The following CYB5A variants were observed in gnomAD, a reference collection of about 807,000 sequenced individuals.
The protein encoded by CYB5A is cytochrome b5.
CYB5A carries 10 observed loss-of-function variants against 16.2 expected under a neutral mutation model. The ratio of observed to expected loss-of-function variants is 0.62; its 90% CI spans 0.38 to 1.04. The LOEUF (loss-of-function observed/expected upper bound fraction) is 1.04. Among genes scored for constraint, CYB5A ranks in the 50% least tolerant of loss-of-function variants. The pLI, the probability that CYB5A is intolerant of heterozygous loss-of-function variation, is 0.01. For synonymous variants in CYB5A, 62 were observed against 57.0 expected, an observed-to-expected ratio of 1.09 and a Z score of -0.40; for missense variants, 161 against 165.9, an observed-to-expected ratio of 0.97 and a Z score of 0.16.
At chr18:74,289,943 A>T (rs962983887) in intron 1 of CYB5A, among the ~76,000 whole-genome samples, 5 of 152,152 alleles carry the variant, frequency 3.3e-5, no homozygotes, top group African/African-American at 1.2e-4. Flanking sequence ...TCGCTTTAGG[A>T]GAAGACAAGA....
chr18:74,265,608 C>T lies in CYB5A; in HGVS notation c.130-2131G>A, dbSNP rs182638104. ...GTTTTGTACTGCTATGAAGAAATAC[C>T]TGAGACTGGATCATTTACAAAGAAA... On this transcript the variant is annotated intron_variant, in intron 1 of 4. Transcript: ENST00000340533. Among the ~76,000 whole-genome samples the T allele has an allele frequency of 1.1e-4, 16 of 152,286 alleles. No homozygotes were observed. The East Asian group carries it at 3.1e-3, about 29-fold the overall frequency.
chr18:74,272,588 G>C (rs1982711012), intron 1 of CYB5A, among the ~76,000 whole-genome samples: 1 of 152,158 alleles, frequency 6.6e-6, no homozygotes. Context: ...CTTGCAAGCA[G>C]AGTTTCTCTT....
intron 1 of CYB5A, among the ~76,000 whole-genome samples, chr18:74,269,485 G>A (rs1233603855): frequency 8.1e-6 from 1 of 124,062 alleles, no homozygotes; most frequent in Non-Finnish European, 1.9e-5. Context: ...GAAAGCAGTG[G>A]AAGAGCCCCA....
Position 74,252,129 on chromosome 18 carries a change from G to GGTGCATCCTATTTGATTATAAAGGTT in CYB5A, c.*1429_*1454dup, listed in dbSNP as rs1333807778. 1.3e-5 allele frequency: 2 copies of GGTGCATCCTATTTGATTATAAAGGTT among 152,132 alleles called. No homozygotes were observed. The highest frequency in any genetic ancestry group is 4.8e-5 in the African/African-American group (2 of 41,412). 9.4% of individuals were successfully genotyped at this position (152,132 alleles called of 1,614,324 possible). A position where few individuals can be genotyped will look rare whatever the true frequency, so the allele number is the denominator to read the frequency against. ...TTCAGTGACTAAAGAAGGCAAAGGCGGTGCATCCTATTTGATTATAAAGGT... is the reference window on the plus strand; with the variant it reads ...TTCAGTGACTAAAGAAGGCAAAGGCGGTGCATCCTATTTGATTATAAAGGTTGTGCATCCTATTTGATTATAAAGGT... On this transcript the variant is annotated 3_prime_UTR_variant, in exon 5 of 5. Transcript: ENST00000340533.
chr18:74,268,983 C>T (rs73482437), intron 1 of CYB5A, among the ~76,000 whole-genome samples: 5,033 of 152,240 alleles, frequency 0.033, 184 homozygotes, highest in African/African-American at 0.1. Flanking sequence ...AATACCAATA[C>T]AATAACTGGA....
At chr18:74,257,581 CTTCGAGG>C (rs1382790267) in intron 3 of CYB5A, 1 of 152,270 alleles carries the variant, frequency 6.6e-6, no homozygotes, top group East Asian at 1.9e-4. Flanking sequence ...CACTCCATGA[CTTCGAGG>C]TTCAACTTCA....
At chr18:74,257,907 G>C (rs1416979930) in intron 3 of CYB5A, 1 of 152,172 alleles carries the variant, frequency 6.6e-6, no homozygotes, top group African/African-American at 2.4e-5. Flanking sequence ...AACAGAGTGA[G>C]ACCCCGTCTC....
At chr18:74,286,833 C>A (rs1230085506) in intron 1 of CYB5A, among the ~76,000 whole-genome samples, 1 of 152,200 alleles carries the variant, frequency 6.6e-6, no homozygotes, top group Non-Finnish European at 1.5e-5. Context: ...TGACCAAAGC[C>A]GGCTTGCATG....
chr18:74,291,797 A>T lies in CYB5A; in HGVS notation c.79T>A (p.Trp27Arg), dbSNP rs748780741. The stretch of plus-strand genomic sequence containing the variant: ...TACACCTTGTGGTGCAGGATCAGCC[A>T]GGTGCTCTTGCTGTGGTTGTGCTTC... ...IQKHNHSKST[W>R]LILHHKVYDL... is the part of the protein sequence containing the mutation. The change falls in exon 1 of 5, where the codon TGG (tryptophan) becomes AGG (arginine). Residue 27 changes from tryptophan to arginine, a missense_variant. Transcript: ENST00000340533. The T allele has an allele frequency of 6.2e-7, 1 of 1,613,874 alleles. No homozygotes were observed. Among genetic ancestry groups the T allele is most frequent in the South Asian group, 1.1e-5 (1 of 91,078 alleles).
At chr18:74,263,682 C>A (rs1982309595) in intron 1 of CYB5A, among the ~76,000 whole-genome samples, 1 of 152,116 alleles carries the variant, frequency 6.6e-6, no homozygotes. Context: ...GCCTAGGCAG[C>A]AGAATCACTT....
intron 1 of CYB5A, among the ~76,000 whole-genome samples, chr18:74,278,033 G>T (rs935657368): frequency 6.6e-6 from 1 of 152,208 alleles, no homozygotes; most frequent in Non-Finnish European, 1.5e-5. Context: ...GAATATCAGT[G>T]GGTAACATCT....
intron 2 of CYB5A, among the ~76,000 whole-genome samples, chr18:74,262,681 G>A (rs1159654757): frequency 1.3e-5 from 2 of 152,110 alleles, no homozygotes; most frequent in Non-Finnish European, 2.9e-5. Context: ...CCTAATGAAA[G>A]TAGAAGTGGG....
chr18:74,259,937 G>A (rs1165934006), intron 3 of CYB5A: 1 of 100,046 alleles, frequency 1.0e-5, no homozygotes, highest in Non-Finnish European at 2.4e-5. Context: ...CTTGAATAAG[G>A]AGAGAATATA....
intron 2 of CYB5A, among the ~76,000 whole-genome samples, chr18:74,262,409 T>C (rs1187852232): frequency 6.8e-6 from 1 of 146,354 alleles, no homozygotes; most frequent in African/African-American, 2.5e-5. Flanking sequence ...TGGGCCGAGA[T>C]CGCGCCACTG....
chr18:74,253,285 A>AAC lies in CYB5A; in HGVS notation c.*297_*298dup, dbSNP rs535466205. The AAC allele has an allele frequency of 3.3e-4, 118 of 354,148 alleles. No homozygotes were observed. The highest frequency in any genetic ancestry group is 6.0e-4 in the Non-Finnish European group (109 of 182,866). The allele number at this position is 354,148 out of a possible 1,614,324, so 21.9% of individuals were successfully genotyped here. A position where few individuals can be genotyped will look rare whatever the true frequency, so the allele number is the denominator to read the frequency against. The stretch of plus-strand genomic sequence containing the variant: ...AAGACAATTATACACCAAACAGGCA[A>AAC]ACACGGTGCATACTTTAAAAGCCAA... On this transcript the variant is annotated 3_prime_UTR_variant, in exon 5 of 5. Transcript: ENST00000340533.
chr18:74,288,201 A>C (rs1273992243), intron 1 of CYB5A, among the ~76,000 whole-genome samples: 1 of 152,212 alleles, frequency 6.6e-6, no homozygotes, highest in African/African-American at 2.4e-5. Context: ...CACATGCTGC[A>C]CCTGTGAGCT....
intron 1 of CYB5A, among the ~76,000 whole-genome samples, chr18:74,279,628 G>A (rs1233289038): frequency 6.6e-6 from 1 of 151,764 alleles, no homozygotes; most frequent in Non-Finnish European, 1.5e-5. Context: ...AGGATTGACA[G>A]TGGCATGTGC....
intron 4 of CYB5A, among the ~76,000 whole-genome samples, chr18:74,254,272 A>G (rs1457780729): frequency 6.6e-6 from 1 of 152,186 alleles, no homozygotes; most frequent in Non-Finnish European, 1.5e-5. Flanking sequence ...TAACACTGCC[A>G]TTAACACCAC....
intron 1 of CYB5A, 152 bp downstream of exon 1, chr18:74,291,595 G>A: frequency 8.3e-7 from 1 of 1,203,110 alleles, no homozygotes; most frequent in South Asian, 1.4e-5. Context: ...ACTCGGAAGC[G>A]CGCCCAGGCG....
Sources: allele counts gnomAD v4.1 joint callset (sites outside exome capture counted in the v4.1 genomes callset), GRCh38; gene constraint gnomAD v4.1.1; transcripts MANE v1.5; gene names NCBI Gene and HGNC (gene_info 2026-07-23, HGNC 2026-07-21).